Variants in MBD5 observed in about 807,000 individuals in gnomAD.
MBD5 encodes the protein methyl-CpG-binding domain protein 5.
In MBD5, 13 loss-of-function variants were observed where a neutral mutation model predicts 117.3. The ratio of observed to expected loss-of-function variants is 0.11; its 90% confidence interval spans 0.07 to 0.18. The LOEUF is 0.18. MBD5 is among the 10% of genes least tolerant of loss of function. The pLI, the probability that MBD5 is intolerant of heterozygous loss-of-function variation, is 1.00. For synonymous variants in MBD5, 727 were observed against 766.4 expected (o/e 0.95, Z 0.85); for missense variants, 1,879 against 2,093.8 (o/e 0.90, Z 2.00).
intron 1 of MBD5, among the ~76,000 whole-genome samples, chr2:148,082,093 C>T (rs966171037): frequency 2.0e-5 from 3 of 152,168 alleles, no homozygotes; most frequent in Admixed American, 1.3e-4. Context: ...TGAGGAAATA[C>T]TTCGCACTTC....
chr2:148,253,544 AC>A (rs763452171), intron 3 of MBD5, among the ~76,000 whole-genome samples: 2 of 152,184 alleles, frequency 1.3e-5, no homozygotes, highest in South Asian at 2.1e-4. Flanking sequence ...AATAAAGTGA[AC>A]CATAGGATTT....
chr2:148,510,199 G>A (rs1212197301), intron 13 of MBD5, 64 bp downstream of exon 13: 7 of 1,265,344 alleles, frequency 5.5e-6, no homozygotes, highest in Non-Finnish European at 8.1e-6. Flanking sequence ...TACACTTTTT[G>A]GTAAAGTCTC....
At chr2:148,078,916 A>T (rs1409274075) in intron 1 of MBD5, among the ~76,000 whole-genome samples, 3 of 152,180 alleles carry the variant, frequency 2.0e-5, no homozygotes, top group African/African-American at 7.2e-5. Context: ...TATTTTATTA[A>T]TTGCCCCATT....
At chr2:148,078,714 CTCTT>C (rs1377307781) in intron 1 of MBD5, among the ~76,000 whole-genome samples, 2 of 152,264 alleles carry the variant, frequency 1.3e-5, no homozygotes, top group East Asian at 3.9e-4. Flanking sequence ...TATTCTTTGA[CTCTT>C]TCAGAGCTGA....
At chr2:148,240,034 A>G (rs2106186797) in intron 3 of MBD5, among the ~76,000 whole-genome samples, 1 of 152,362 alleles carries the variant, frequency 6.6e-6, no homozygotes, top group Non-Finnish European at 1.5e-5. Context: ...CATCAGTGAT[A>G]GACTGGATTA....
intron 1 of MBD5, among the ~76,000 whole-genome samples, chr2:148,066,467 C>T (rs898066340): frequency 3.3e-5 from 5 of 151,526 alleles, no homozygotes; most frequent in Non-Finnish European, 4.4e-5. Context: ...TTAGATCTAC[C>T]GCATATACCA....
At chr2:148,481,550 A>G (rs913172002) in intron 8 of MBD5, among the ~76,000 whole-genome samples, 2 of 152,220 alleles carry the variant, frequency 1.3e-5, no homozygotes, top group African/African-American at 2.4e-5. Context: ...AAAACTAAAA[A>G]TGTGTATTCT....
At chr2:148,431,130 G>T (rs1330421064) in intron 4 of MBD5, among the ~76,000 whole-genome samples, 1 of 151,952 alleles carries the variant, frequency 6.6e-6, no homozygotes, top group African/African-American at 2.4e-5. Context: ...AGATTTTTAG[G>T]ATTCCTTTCC....
intron 1 of MBD5, among the ~76,000 whole-genome samples, chr2:148,042,387 T>C (rs545930438): frequency 1.3e-5 from 2 of 152,252 alleles, no homozygotes; most frequent in African/African-American, 4.8e-5. Context: ...AAAAGGTATT[T>C]ATGACTTACA....
At chr2:148,403,428 C>A (rs921528293) in intron 4 of MBD5, among the ~76,000 whole-genome samples, 1 of 152,102 alleles carries the variant, frequency 6.6e-6, no homozygotes, top group African/African-American at 2.4e-5. Context: ...GATCCACCCT[C>A]CTTGATCTCC....
chr2:148,459,070 C>G (rs1706974958), intron 5 of MBD5, among the ~76,000 whole-genome samples, 199 bp downstream of exon 5: 3 of 152,152 alleles, frequency 2.0e-5, no homozygotes, highest in South Asian at 2.1e-4. Context: ...TGTCATTCTG[C>G]TTATCTCTGT....
At chr2:148,053,745 G>A (rs1002772470) in intron 1 of MBD5, among the ~76,000 whole-genome samples, 5 of 152,032 alleles carry the variant, frequency 3.3e-5, no homozygotes, top group Non-Finnish European at 5.9e-5. Context: ...TCATTGATTT[G>A]AAGCATTCTA....
chr2:148,227,055 C>T (rs980735074), intron 2 of MBD5, among the ~76,000 whole-genome samples: 8 of 152,248 alleles, frequency 5.3e-5, no homozygotes, highest in African/African-American at 9.6e-5. Flanking sequence ...TTCTCCCATT[C>T]TGTAGGTTGC....
At chr2:148,496,169 A>G (rs1451557907) in intron 11 of MBD5, among the ~76,000 whole-genome samples, 1 of 152,198 alleles carries the variant, frequency 6.6e-6, no homozygotes, top group Non-Finnish European at 1.5e-5. Flanking sequence ...CATCCACAAT[A>G]CTTGGGTTGC....
chr2:148,025,850 T>G (rs1459031984), intron 1 of MBD5: 1 of 152,182 alleles, frequency 6.6e-6, no homozygotes, highest in African/African-American at 2.4e-5. Context: ...TCAGTTGTAA[T>G]TTTTAATCTT....
At chr2:148,045,806 TTAAG>T (rs1694508956) in intron 1 of MBD5, among the ~76,000 whole-genome samples, 1 of 152,078 alleles carries the variant, frequency 6.6e-6, no homozygotes, top group Non-Finnish European at 1.5e-5. Context: ...CTTTATGCTA[TTAAG>T]TATGTTAGAA....
At chr2:148,466,911 T>C (rs1174369424) in intron 7 of MBD5, among the ~76,000 whole-genome samples, 2 of 152,222 alleles carry the variant, frequency 1.3e-5, no homozygotes, top group Non-Finnish European at 2.9e-5. Context: ...TGTTATGATA[T>C]GATTTGACCT....
chr2:148,036,278 T>C (rs1389379396), intron 1 of MBD5, among the ~76,000 whole-genome samples: 2 of 152,158 alleles, frequency 1.3e-5, no homozygotes, highest in Non-Finnish European at 2.9e-5. Context: ...ATATTCCATG[T>C]GCCAATGTGT....
rs201895498 is a variant in MBD5 at position 148,139,203 on chromosome 2, G to GT, written c.-924-39490dup. 7.5e-3 allele frequency among the ~76,000 whole-genome samples: 1,135 copies of GT among 151,980 alleles called. 12 individuals are homozygous for GT. The highest frequency in any genetic ancestry group is 0.025 in the African/African-American group (1,052 of 41,472). On this transcript the variant is annotated intron_variant, in intron 1 of 13. Coordinates refer to ENST00000642680, the MANE Select transcript of MBD5 (RefSeq NM_001378120.1). ...TTCCTGAGTATATTGTCCCAAGATG[G>GT]TTTTTTTAACCTTTTTTTTTGAAAC... is the stretch of plus-strand genomic sequence containing the variant.
Sources: allele counts gnomAD v4.1 joint callset (sites outside exome capture counted in the v4.1 genomes callset), GRCh38; gene constraint gnomAD v4.1.1; transcripts MANE v1.5; gene names NCBI Gene and HGNC (gene_info 2026-07-23, HGNC 2026-07-21).